The following MATR3 variants were observed in gnomAD, a reference collection of about 807,000 sequenced individuals.
MATR3 encodes matrin 3, also known as matrin-3.
Under a neutral mutation model 85.5 loss-of-function variants are expected in MATR3, and 4 were observed. That is an observed-to-expected ratio of 0.05 (90% CI 0.02 to 0.11). The LOEUF is 0.11. MATR3 is among the 10% of genes least tolerant of loss of function. MATR3 has a pLI of 1.00. For missense variants in MATR3, 685 were observed against 1,016.1 expected, an observed-to-expected ratio of 0.67 and a Z score of 4.43; for synonymous variants, 336 against 343.1, an observed-to-expected ratio of 0.98 and a Z score of 0.23.
chr5:139,283,934 A>C (rs1230058253), intron 3 of MATR3, among the ~76,000 whole-genome samples: 1 of 152,188 alleles, frequency 6.6e-6, no homozygotes, highest in Non-Finnish European at 1.5e-5. Context: ...AGTTGCAGAG[A>C]AGCTGCCTTC....
chr5:139,293,223 G>C (rs1255488473), upstream of MATR3: 1 of 152,040 alleles, frequency 6.6e-6, no homozygotes, highest in East Asian at 1.9e-4. Flanking sequence ...TAACGCCAGC[G>C]CACTCCAACC....
chr5:139,290,438 CTTTTTTTTTT>C (rs762364450), upstream of MATR3, among the ~76,000 whole-genome samples: 35 of 44,976 alleles, frequency 7.8e-4, no homozygotes, highest in Non-Finnish European at 9.2e-4. Flanking sequence ...CCTGGCCGCT[CTTTTTTTTTT>C]TTTTTTTTTT....
intron 3 of MATR3, chr5:139,315,101 T>A (rs906733776): frequency 2.3e-5 from 5 of 216,104 alleles, no homozygotes; most frequent in African/African-American, 4.7e-5. Context: ...AGAGGGTAGG[T>A]TATTAAAAGA....
Position 139,331,215 on chromosome 5 carries a change from G to A in MATR3, c.*1820G>A, listed in dbSNP as rs778501711. ...TTGGCTAAATTTTATGATCTCTCCC[G>A]TTGAAAAGTAGGTGATGATTTTAAT... On this transcript the variant is annotated 3_prime_UTR_variant, in exon 15 of 15. Transcript: ENST00000394805. 4.4e-6 allele frequency: 2 copies of A among 454,112 alleles called. No homozygotes were observed. Among genetic ancestry groups the A allele is most frequent in the South Asian group, 1.6e-5 (1 of 64,480 alleles). 28.1% of individuals were successfully genotyped at this position (454,112 alleles called of 1,614,324 possible). A position where few individuals can be genotyped will look rare whatever the true frequency, so the allele number is the denominator to read the frequency against.
chr5:139,327,264 T>C (rs946437563), intron 14 of MATR3, among the ~76,000 whole-genome samples: 3 of 152,096 alleles, frequency 2.0e-5, no homozygotes, highest in Admixed American at 2.0e-4. Flanking sequence ...TAATCTTTAA[T>C]TTTGGAAATA....
chr5:139,295,553 T>C (rs1019151878), intron 1 of MATR3, among the ~76,000 whole-genome samples: 7 of 152,186 alleles, frequency 4.6e-5, no homozygotes, highest in African/African-American at 1.7e-4. Flanking sequence ...TTGAACTAAC[T>C]TGGAAGGATT....
At chr5:139,276,687 G>A (rs868750817) in intron 2 of MATR3, among the ~76,000 whole-genome samples, 1 of 152,020 alleles carries the variant, frequency 6.6e-6, no homozygotes, top group Non-Finnish European at 1.5e-5. Flanking sequence ...AAAAATAGAC[G>A]GAAAAGTCAC....
At chr5:139,293,974 G>A (rs1753989867) in intron 1 of MATR3, 169 bp downstream of exon 1, 2 of 1,263,036 alleles carry the variant, frequency 1.6e-6, no homozygotes, top group Non-Finnish European at 2.0e-6. Context: ...CCTGATCGGC[G>A]GCCGCCATGT....
At chr5:139,276,164 C>T (rs1753269075) in intron 2 of MATR3, 1 of 456,606 alleles carries the variant, frequency 2.2e-6, no homozygotes, top group African/African-American at 2.0e-5. Flanking sequence ...AGTGCAACCC[C>T]TTCAGCTCTC....
intron 5 of MATR3, among the ~76,000 whole-genome samples, chr5:139,316,777 C>T (rs1755267596): frequency 6.6e-6 from 1 of 152,078 alleles, no homozygotes; most frequent in Non-Finnish European, 1.5e-5. Flanking sequence ...TCTCAAACAC[C>T]TGGCCTCAAA....
intron 1 of MATR3, among the ~76,000 whole-genome samples, chr5:139,298,894 C>A (rs1179614762): frequency 6.6e-6 from 1 of 152,146 alleles, no homozygotes; most frequent in Non-Finnish European, 1.5e-5. Flanking sequence ...CATGTGCATA[C>A]ATAATGATAC....
chr5:139,281,431 C>T (rs1475935165), intron 3 of MATR3, among the ~76,000 whole-genome samples: 1 of 151,288 alleles, frequency 6.6e-6, no homozygotes, highest in African/African-American at 2.4e-5. Flanking sequence ...CAACCTCCAC[C>T]TCCTGGGTTC....
At chr5:139,279,242 G>A (rs78697329) in intron 3 of MATR3, 5 of 437,626 alleles carry the variant, frequency 1.1e-5, no homozygotes, top group Admixed American at 4.8e-5. Flanking sequence ...ACTTTTTTTT[G>A]GGGGGGGACG....
chr5:139,319,994 CT>C (rs1229059403), intron 9 of MATR3, among the ~76,000 whole-genome samples: 205 of 125,166 alleles, frequency 1.6e-3, no homozygotes, highest in Non-Finnish European at 2.6e-3. Flanking sequence ...ATATTTCATA[CT>C]TTTTTTTCTT....
At chr5:139,309,797 G>A (rs1190487773) in intron 2 of MATR3, among the ~76,000 whole-genome samples, 2 of 151,900 alleles carry the variant, frequency 1.3e-5, no homozygotes, top group Non-Finnish European at 2.9e-5. Context: ...TTAAATTTTA[G>A]GTCCCGTGTG....
chr5:139,292,750 T>C (rs1158123756), upstream of MATR3, among the ~76,000 whole-genome samples: 1 of 152,052 alleles, frequency 6.6e-6, no homozygotes, highest in Non-Finnish European at 1.5e-5. Flanking sequence ...GCATCCTGGC[T>C]AACACGGTGA....
chr5:139,330,146 A>G lies in MATR3; in HGVS notation c.*751A>G. Reference sequence around the variant, plus strand: ...CGTGATTGTCATACATCTCTGGTATAAGCAACATTTGATTTTTGAAGTGTG... The same window carrying G: ...CGTGATTGTCATACATCTCTGGTATGAGCAACATTTGATTTTTGAAGTGTG... On this transcript the variant is annotated 3_prime_UTR_variant, in exon 15 of 15. Transcript: ENST00000394805. 1 of 454,520 alleles carries G rather than the reference A, an allele frequency of 2.2e-6. No individual in the cohort carries two copies. The highest frequency in any genetic ancestry group is 4.4e-6 in the Non-Finnish European group (1 of 226,782). The allele number at this position is 454,520 out of a possible 1,614,324, so 28.2% of individuals were successfully genotyped here.
In MATR3 at chr5:139,330,286, T is replaced by C. The variant is rs1049604333; in HGVS notation, c.*891T>C. Reference sequence around the variant, plus strand: ...TTCATGTACCTGCACATGTGACCTTTGTGAACAGAAATTTGCATGTATAAT... The same window carrying C: ...TTCATGTACCTGCACATGTGACCTTCGTGAACAGAAATTTGCATGTATAAT... On this transcript the variant is annotated 3_prime_UTR_variant, in exon 15 of 15. Transcript: ENST00000394805. The C allele has an allele frequency of 2.2e-6, 1 of 453,508 alleles. No individual in the cohort carries two copies. Among genetic ancestry groups the C allele is most frequent in the African/African-American group, 2.0e-5 (1 of 49,924 alleles). The allele number at this position is 453,508 out of a possible 1,614,324, so 28.1% of individuals were successfully genotyped here. A position where few individuals can be genotyped will look rare whatever the true frequency, so the allele number is the denominator to read the frequency against.
At chr5:139,328,821 G>C (rs552086005) in intron 14 of MATR3, among the ~76,000 whole-genome samples, 1 of 152,228 alleles carries the variant, frequency 6.6e-6, no homozygotes, top group South Asian at 2.1e-4. Context: ...GGCCAACACG[G>C]TGAAAACCCC....
Sources: allele counts gnomAD v4.1 joint callset (sites outside exome capture counted in the v4.1 genomes callset), GRCh38; gene constraint gnomAD v4.1.1; transcripts MANE v1.5; gene names NCBI Gene and HGNC (gene_info 2026-07-23, HGNC 2026-07-21).